The following HPGD variants were observed in gnomAD, a reference collection of about 807,000 sequenced individuals.
HPGD encodes 15-hydroxyprostaglandin dehydrogenase.
HPGD carries 29 observed loss-of-function variants against 30.0 expected under a neutral mutation model. That is an observed-to-expected ratio of 0.97 (90% CI 0.72 to 1.32). HPGD has a LOEUF of 1.32. Among genes scored for constraint, HPGD ranks in the 40% most tolerant of loss-of-function variants. The pLI, the probability that HPGD is intolerant of heterozygous loss-of-function variation, is 0.00. For synonymous variants in HPGD, 99 were observed against 112.4 expected (o/e 0.88, Z 0.75); for missense variants, 340 against 322.1 (o/e 1.06, Z -0.43).
rs1248809492 is a variant in HPGD, at chr4:174,522,069, T to C, written c.94-2A>G. 1 of 1,614,060 alleles carries C rather than the reference T, an allele frequency of 6.2e-7. No homozygotes were observed. Among genetic ancestry groups the C allele is most frequent in the Non-Finnish European group, 8.5e-7 (1 of 1,180,048 alleles). On this transcript the variant is annotated splice_acceptor_variant, in intron 1 of 6. Coordinates refer to ENST00000296522, the MANE Select transcript of HPGD (RefSeq NM_000860.6). LOFTEE classifies it high-confidence loss of function. ...AAGATTCCAATCCACCAGCGCTACCTATAGACAAGAGGAGAGGAATCGCGG... is the reference window on the plus strand; with the variant it reads ...AAGATTCCAATCCACCAGCGCTACCCATAGACAAGAGGAGAGGAATCGCGG...
At chr4:174,502,445 G>A (rs1212976186) in intron 4 of HPGD, among the ~76,000 whole-genome samples, 2 of 152,148 alleles carry the variant, frequency 1.3e-5, no homozygotes, top group East Asian at 1.9e-4. Flanking sequence ...TTGGGAGGCC[G>A]AGGTGGGCGG....
intron 4 of HPGD, among the ~76,000 whole-genome samples, chr4:174,503,286 A>G (rs1251857282): frequency 6.6e-6 from 1 of 152,156 alleles, no homozygotes; most frequent in Non-Finnish European, 1.5e-5. Flanking sequence ...CTTATGAATC[A>G]CAGCATAGGA....
In HPGD at chr4:174,519,842, C is replaced by A. The variant is rs562568082; in HGVS notation, c.218-1765G>T. On this transcript the variant is annotated intron_variant, in intron 2 of 6. Coordinates refer to ENST00000296522, the MANE Select transcript of HPGD (RefSeq NM_000860.6). The stretch of plus-strand genomic sequence containing the variant: ...GAAATAAACAGCCTTGTTGCTCACA[C>A]AAAGCCTGTTTGGTGGTCTCTTCAC... Among the ~76,000 whole-genome samples the A allele has an allele frequency of 5.3e-5, 8 of 152,310 alleles. No individual in the cohort carries two copies. In the East Asian group the frequency reaches 1.5e-3, roughly 29 times the overall value.
At chr4:174,495,828 T>C (rs1028338931) in intron 4 of HPGD, 8 of 585,544 alleles carry the variant, frequency 1.4e-5, no homozygotes, top group Non-Finnish European at 2.5e-5. Context: ...TCGTCCAGAA[T>C]TTATAGTAGC....
At chr4:174,513,843 T>TA (rs199688408) in intron 3 of HPGD, among the ~76,000 whole-genome samples, 4 of 151,898 alleles carry the variant, frequency 2.6e-5, no homozygotes, top group Non-Finnish European at 5.9e-5. Context: ...AGTTTAACTT[T>TA]AAAAAAAATT....
At position 174,518,013 on chromosome 4, in the gene HPGD, C is replaced by T; in HGVS notation, c.282G>A (p.Val94=). 1 of 1,606,658 alleles carries T rather than the reference C, an allele frequency of 6.2e-7. No individual in the cohort carries two copies. The highest frequency in any genetic ancestry group is 8.5e-7 in the Non-Finnish European group (1 of 1,173,552). The change falls in exon 3 of 7, where the codon GTG becomes GTA. Residue 94 remains valine, a synonymous_variant. Transcript: ENST00000296522. ...RLDILVNNAG[V]NNEKNWEKTL... is the part of the protein sequence containing the mutation. ...TTTTTTCCCAGTTTTTCTCATTATT[C>T]ACTCCAGCATTATTGACCAAAATGT...
intron 4 of HPGD, among the ~76,000 whole-genome samples, chr4:174,500,372 T>G (rs1734843246): frequency 6.6e-6 from 1 of 152,170 alleles, no homozygotes; most frequent in Admixed American, 6.5e-5. Flanking sequence ...AAAGTAAACA[T>G]GCAATACAAT....
Position 174,514,867 on chromosome 4 carries a change from C to A in HPGD, c.324+3104G>T, listed in dbSNP as rs529794106. On this transcript the variant is annotated intron_variant, in intron 3 of 6. Transcript: ENST00000296522. Reference sequence around the variant, plus strand: ...AAAAATCAGTAATGTTTCCAAACACCAATAATGTCCAAGCTAAGAGGCAAA... The same window carrying A: ...AAAAATCAGTAATGTTTCCAAACACAAATAATGTCCAAGCTAAGAGGCAAA... Among the ~76,000 whole-genome samples the A allele has an allele frequency of 5.9e-5, 9 of 152,028 alleles. No homozygotes were observed. The East Asian group carries it at 1.7e-3, about 29-fold the overall frequency.
intron 4 of HPGD, chr4:174,507,274 TG>T: frequency 6.6e-6 from 1 of 152,306 alleles, no homozygotes; most frequent in Non-Finnish European, 1.5e-5. Flanking sequence ...CTGATTACCC[TG>T]AAAAATTTAT....
chr4:174,504,608 T>C (rs1214000979), intron 4 of HPGD, among the ~76,000 whole-genome samples: 2 of 151,112 alleles, frequency 1.3e-5, no homozygotes. Flanking sequence ...AGGAGTTCGA[T>C]ACCAGCCTGG....
Position 174,522,411 on chromosome 4 carries a change from G to A in HPGD, c.41C>T (p.Ala14Val). The change falls in exon 1 of 7, where the codon GCT (alanine) becomes GTT (valine). Residue 14 changes from alanine (A) to valine (V), a missense_variant. Coordinates refer to ENST00000296522, the MANE Select transcript of HPGD (RefSeq NM_000860.6). Reference sequence around the variant, plus strand: ...TGCAAAGGCTCTGCCTATGCCCTGAGCCGCGCCGGTCACCAGCGCCACTTT... The same window carrying A: ...TGCAAAGGCTCTGCCTATGCCCTGAACCGCGCCGGTCACCAGCGCCACTTT... Reference protein sequence around the residue: ...NGKVALVTGAAQGIGRAFAEA... With the variant: ...NGKVALVTGAVQGIGRAFAEA... The A allele has an allele frequency of 6.3e-7, 1 of 1,583,944 alleles. No homozygotes were observed. The highest frequency in any genetic ancestry group is 8.6e-7 in the Non-Finnish European group (1 of 1,165,942).
chr4:174,517,416 C>T (rs754040782), intron 3 of HPGD, among the ~76,000 whole-genome samples: 9 of 152,120 alleles, frequency 5.9e-5, no homozygotes, highest in Admixed American at 1.3e-4. Context: ...AATAAGTCAG[C>T]GGTTGACGAG....
chr4:174,499,158 G>C (rs1021074848), intron 4 of HPGD, among the ~76,000 whole-genome samples: 1 of 152,174 alleles, frequency 6.6e-6, no homozygotes, highest in East Asian at 1.9e-4. Flanking sequence ...CATAGAGTTA[G>C]ACTAAGTGTG....
chr4:174,508,027 T>C, intron 4 of HPGD: 1 of 673,278 alleles, frequency 1.5e-6, no homozygotes. Flanking sequence ...GGGCTGGGGT[T>C]CTTAAAAGAG....
intron 4 of HPGD, 183 bp from the exon 5 acceptor site, chr4:174,495,807 C>G: frequency 1.6e-6 from 1 of 626,920 alleles, no homozygotes; most frequent in Non-Finnish European, 2.9e-6. Flanking sequence ...TTATTTGCTC[C>G]ATGACCCGTG....
chr4:174,499,350 A>G (rs931073064), intron 4 of HPGD, among the ~76,000 whole-genome samples: 1 of 152,222 alleles, frequency 6.6e-6, no homozygotes, highest in African/African-American at 2.4e-5. Context: ...GTGTTGTGTA[A>G]CAGAAATTAC....
At chr4:174,515,104 C>T (rs1039703590) in intron 3 of HPGD, among the ~76,000 whole-genome samples, 2 of 152,022 alleles carry the variant, frequency 1.3e-5, no homozygotes, top group African/African-American at 4.8e-5. Context: ...AAGCAATTTA[C>T]AGATTCAATG....
At chr4:174,507,354 G>C (rs1322185412) in intron 4 of HPGD, 1 of 152,192 alleles carries the variant, frequency 6.6e-6, no homozygotes, top group East Asian at 1.9e-4. Flanking sequence ...TGAGATGCTA[G>C]TCTATTTTTG....
chr4:174,503,848 G>C (rs558235375), intron 4 of HPGD, among the ~76,000 whole-genome samples: 13 of 151,782 alleles, frequency 8.6e-5, no homozygotes, highest in Non-Finnish European at 1.5e-4. Flanking sequence ...TCAGCCTCCT[G>C]AGTAGCTAGG....
Sources: allele counts gnomAD v4.1 joint callset (sites outside exome capture counted in the v4.1 genomes callset), GRCh38; gene constraint gnomAD v4.1.1; transcripts MANE v1.5; gene names NCBI Gene and HGNC (gene_info 2026-07-23, HGNC 2026-07-21).